The following FBXW8 variants were observed in gnomAD, a reference collection of about 807,000 sequenced individuals.
FBXW8 encodes F-box/WD repeat-containing protein 8.
FBXW8 carries 57 observed loss-of-function variants against 65.3 expected under a neutral mutation model. The ratio of observed to expected loss-of-function variants is 0.87; its 90% CI spans 0.71 to 1.09. FBXW8 has a LOEUF of 1.09. FBXW8 is among the 50% of genes least tolerant of loss of function. The pLI is 0.00. For missense variants in FBXW8, 777 were observed against 814.8 expected (o/e 0.95, Z 0.57); for synonymous variants, 308 against 330.2 (o/e 0.93, Z 0.73).
At chr12:116,926,577 A>G (rs1881339427) in intron 1 of FBXW8, among the ~76,000 whole-genome samples, 2 of 152,046 alleles carry the variant, frequency 1.3e-5, no homozygotes, top group Non-Finnish European at 2.9e-5. Context: ...CTGACATTAA[A>G]CCAATGACTT....
At chr12:116,950,282 T>G (rs1365798177) in intron 4 of FBXW8, 1 of 152,632 alleles carries the variant, frequency 6.6e-6, no homozygotes, top group African/African-American at 2.4e-5. Context: ...TCCTACTTTG[T>G]TACAGAGGTA....
chr12:116,966,965 A>C (rs1170421320), intron 5 of FBXW8, among the ~76,000 whole-genome samples: 1 of 152,202 alleles, frequency 6.6e-6, no homozygotes, highest in Non-Finnish European at 1.5e-5. Context: ...AATGCTTCGC[A>C]AGTGATTGCC....
At chr12:116,990,992 A>C (rs1953225069) in intron 7 of FBXW8, among the ~76,000 whole-genome samples, 2 of 152,222 alleles carry the variant, frequency 1.3e-5, no homozygotes, top group African/African-American at 2.4e-5. Context: ...TCTACCACAC[A>C]CACACAAAAA....
At chr12:116,992,226 G>A (rs183879758) in intron 7 of FBXW8, among the ~76,000 whole-genome samples, 11 of 152,120 alleles carry the variant, frequency 7.2e-5, no homozygotes, top group African/African-American at 2.4e-4. Context: ...CCTCCAGCTC[G>A]GGTAGGAAGG....
intron 1 of FBXW8, among the ~76,000 whole-genome samples, chr12:116,917,298 TATC>T (rs1880504872): frequency 6.6e-6 from 1 of 152,232 alleles, no homozygotes; most frequent in African/African-American, 2.4e-5. Context: ...GTAACCATTT[TATC>T]ATCTTTGCCT....
rs1358833334 is a variant in FBXW8, at chr12:116,910,982, T to G, written c.-56T>G. On this transcript the variant is annotated 5_prime_UTR_variant, in exon 1 of 11. Coordinates refer to ENST00000652555, the MANE Select transcript of FBXW8 (RefSeq NM_153348.3). ...CGGCGGACACTTCCCTGGGCGGGAC[T>G]GTCTCGTGGCACCCGGTGGAACCGA... 13 of 1,328,220 alleles carry G rather than the reference T, an allele frequency of 9.8e-6. No individual in the cohort carries two copies. In the East Asian group the frequency reaches 3.7e-4, roughly 38 times the overall value. 82.3% of individuals were successfully genotyped at this position (1,328,220 alleles called of 1,614,324 possible).
intron 5 of FBXW8, among the ~76,000 whole-genome samples, chr12:116,983,371 A>T (rs1167565664): frequency 6.6e-6 from 1 of 152,210 alleles, no homozygotes; most frequent in Non-Finnish European, 1.5e-5. Context: ...TGATCCGCTT[A>T]TCCCCCAAGT....
chr12:116,949,824 A>G (rs985181120), intron 4 of FBXW8, 118 bp downstream of exon 4: 14 of 914,988 alleles, frequency 1.5e-5, no homozygotes, highest in Non-Finnish European at 2.5e-5. Context: ...TCCCTCAGTT[A>G]CAGCCCATGT....
At chr12:116,955,644 T>C (rs1218650109) in intron 4 of FBXW8, among the ~76,000 whole-genome samples, 1 of 152,208 alleles carries the variant, frequency 6.6e-6, no homozygotes, top group Admixed American at 6.5e-5. Context: ...TTTTAGAATG[T>C]TTTGAAAATT....
At chr12:116,984,630 T>C (rs542407043) in intron 5 of FBXW8, among the ~76,000 whole-genome samples, 2 of 152,372 alleles carry the variant, frequency 1.3e-5, no homozygotes, top group South Asian at 4.1e-4. Flanking sequence ...ATTTCACATC[T>C]AACTTCATGT....
intron 2 of FBXW8, among the ~76,000 whole-genome samples, chr12:116,937,944 A>G (rs1028163554): frequency 6.6e-6 from 1 of 150,974 alleles, no homozygotes; most frequent in African/African-American, 2.4e-5. Flanking sequence ...GCTGAGGCTC[A>G]CTCGGTGGGG....
intron 4 of FBXW8, 65 bp downstream of exon 4, chr12:116,949,771 C>G: frequency 1.4e-6 from 2 of 1,421,648 alleles, no homozygotes; most frequent in Middle Eastern, 1.8e-4. Context: ...TCATACCACC[C>G]TCTGAGTACC....
intron 5 of FBXW8, among the ~76,000 whole-genome samples, chr12:116,983,067 T>C (rs1885429328): frequency 6.6e-6 from 1 of 152,150 alleles, no homozygotes. Flanking sequence ...AAGATGGAAG[T>C]GAATGCCCAG....
intron 1 of FBXW8, among the ~76,000 whole-genome samples, chr12:116,920,361 T>G (rs186501075): frequency 1.3e-5 from 2 of 152,332 alleles, no homozygotes; most frequent in Admixed American, 1.3e-4. Context: ...TTATTAAGTG[T>G]CTTCTTGGTA....
intron 8 of FBXW8, among the ~76,000 whole-genome samples, chr12:117,020,123 C>T (rs942693094): frequency 1.3e-5 from 2 of 152,130 alleles, no homozygotes; most frequent in African/African-American, 4.8e-5. Flanking sequence ...GTAGTTCTGC[C>T]CCGGGTCCCA....
intron 2 of FBXW8, among the ~76,000 whole-genome samples, chr12:116,943,760 A>G (rs1287162184): frequency 6.6e-6 from 1 of 152,152 alleles, no homozygotes; most frequent in Non-Finnish European, 1.5e-5. Flanking sequence ...AGAGCCTCCT[A>G]TGGACATCCC....
chr12:116,973,873 A>T (rs1220028064), intron 5 of FBXW8, among the ~76,000 whole-genome samples: 1 of 152,280 alleles, frequency 6.6e-6, no homozygotes, highest in Non-Finnish European at 1.5e-5. Flanking sequence ...AAATAAAAAG[A>T]TAAAAAATAA....
At chr12:116,978,214 C>T (rs796145261) in intron 5 of FBXW8, 42 of 152,310 alleles carry the variant, frequency 2.8e-4, no homozygotes, top group African/African-American at 8.2e-4. Context: ...CGTGACCCTC[C>T]GTGGTTTAGC....
chr12:117,026,111 A>G (rs1275592141), intron 9 of FBXW8, among the ~76,000 whole-genome samples: 2 of 152,184 alleles, frequency 1.3e-5, no homozygotes, highest in Non-Finnish European at 2.9e-5. Flanking sequence ...TTGTTTGGTC[A>G]CTGTCATGTA....
Sources: allele counts gnomAD v4.1 joint callset (sites outside exome capture counted in the v4.1 genomes callset), GRCh38; gene constraint gnomAD v4.1.1; transcripts MANE v1.5; gene names NCBI Gene and HGNC (gene_info 2026-07-23, HGNC 2026-07-21).